Variants in LIG4 observed in about 807,000 individuals in gnomAD.
The protein encoded by LIG4 is DNA ligase 4.
LIG4 carries 13 observed loss-of-function variants against 19.0 expected under a neutral mutation model. The ratio of observed to expected loss-of-function variants is 0.68; its 90% CI spans 0.44 to 1.09. The LOEUF (loss-of-function observed/expected upper bound fraction) is 1.09, where lower values mean the gene tolerates loss of function less well. Among genes scored for constraint, LIG4 ranks in the 50% least tolerant of loss-of-function variants. The probability of loss-of-function intolerance (pLI) is 0.00; values close to 1 mark genes in which losing one functional copy is unlikely to be tolerated. For synonymous variants in LIG4, 361 were observed against 358.2 expected, an observed-to-expected ratio of 1.01 and a Z score of -0.09; for missense variants, 1,026 against 1,089.7, an observed-to-expected ratio of 0.94 and a Z score of 0.82.
At position 108,209,393 on chromosome 13, in the gene LIG4, T is replaced by C. The variant is rs777285350; in HGVS notation, c.1876A>G (p.Lys626Glu). Reference sequence around the variant, plus strand: ...ATCTTTGGGGCAGCTTTCCGCTTTTTTTCTTGTGGTTCATCATCACCACCT... The same window carrying C: ...ATCTTTGGGGCAGCTTTCCGCTTTTCTTCTTGTGGTTCATCATCACCACCT... ...YIGGDDEPQE[K>E]KRKAAPKMKK... Residue 626 changes from lysine to glutamate, a missense_variant, in exon 3 of 3, where the codon AAA (lysine) becomes GAA (glutamate). Physicochemically the swap from Lys to Glu is moderately conservative, Grantham distance 56 (BLOSUM62 1). This residue lies in a region of LIG4 where 521 missense variants were observed against 515.5 expected (regional missense o/e 1.01). Transcript: ENST00000442234. 12 of 1,614,096 alleles carry C rather than the reference T, an allele frequency of 7.4e-6. No homozygotes were observed. The highest frequency in any genetic ancestry group is 1.6e-4 in the Middle Eastern group (1 of 6,084).
chr13:108,211,299 A>C lies in LIG4; in HGVS notation c.-28-3T>G, dbSNP rs751851224. 1 of 1,479,182 alleles carries C rather than the reference A, an allele frequency of 6.8e-7. No individual in the cohort carries two copies. Among genetic ancestry groups the C allele is most frequent in the South Asian group, 1.1e-5 (1 of 88,224 alleles). The allele number at this position is 1,479,182 out of a possible 1,614,324, so 91.6% of individuals were successfully genotyped here. A position where few individuals can be genotyped will look rare whatever the true frequency, so the allele number is the denominator to read the frequency against. On this transcript the variant is annotated splice_polypyrimidine_tract_variant and splice_region_variant and intron_variant, in intron 2 of 2. Coordinates refer to ENST00000442234, the MANE Select transcript of LIG4 (RefSeq NM_206937.2). ...CGGTGATGAATCTTCTCGTTTAACT[A>C]GTAAAGCAAAAAGAGAATAACTTTA...
At position 108,209,013 on chromosome 13, in the gene LIG4, T is replaced by C. The variant is rs771590971; in HGVS notation, c.2256A>G (p.Glu752=). The change falls in exon 3 of 3, where the codon GAA becomes GAG. Residue 752 remains glutamate, a synonymous_variant. Transcript: ENST00000442234. ...FMIHMCPSTK[E]HFAREYDCYG... ...AGCAATCATATTCACGGGCAAAATG[T>C]TCTTTGGTTGATGGGCACATATGAA... 1 of 1,614,128 alleles carries C rather than the reference T, an allele frequency of 6.2e-7. No homozygotes were observed. Among genetic ancestry groups the C allele is most frequent in the Non-Finnish European group, 8.5e-7 (1 of 1,180,014 alleles).
upstream of LIG4, among the ~76,000 whole-genome samples, chr13:108,216,458 ACCT>A (rs1329564353): frequency 6.6e-6 from 1 of 151,584 alleles, no homozygotes; most frequent in African/African-American, 2.4e-5. Flanking sequence ...ATGTATAAAA[ACCT>A]CCTTTTTCAA....
At position 108,208,568 on chromosome 13, in the gene LIG4, A is replaced by G. The variant is rs375272861; in HGVS notation, c.2701T>C (p.Cys901Arg). The change falls in exon 3 of 3, where the codon TGT becomes CGT. Residue 901 changes from cysteine (C) to arginine (R), a missense_variant. Around this residue, in one of 3 missense-constraint regions of LIG4, gnomAD observed 521 missense variants for 515.5 expected, o/e 1.01. Coordinates refer to ENST00000442234, the MANE Select transcript of LIG4 (RefSeq NM_206937.2). ...TACTGGTTTTCTTCTTGTAATTCACACTTGTCTATTGAATCAGTTACCCAA... is the reference window on the plus strand; with the variant it reads ...TACTGGTTTTCTTCTTGTAATTCACGCTTGTCTATTGAATCAGTTACCCAA... ...ESWVTDSIDK[C>R]ELQEENQYLI 2 of 1,612,220 alleles carry G rather than the reference A, an allele frequency of 1.2e-6. No individual in the cohort carries two copies. Among genetic ancestry groups the G allele is most frequent in the Non-Finnish European group, 1.7e-6 (2 of 1,178,654 alleles).
chr13:108,209,264 C>T lies in LIG4; in HGVS notation c.2005G>A (p.Gly669Arg). The change falls in exon 3 of 3, where the codon GGA becomes AGA. Residue 669 changes from glycine to arginine, a missense_variant. Coordinates refer to ENST00000442234, the MANE Select transcript of LIG4 (RefSeq NM_206937.2). ...FEDVEFCVMS[G>R]TDSQPKPDLE... ...TCAGGCTTTGGCTGGCTATCTGTTC[C>T]ACTCATAACACAAAACTCTACATCT... 3 of 1,614,124 alleles carry T rather than the reference C, an allele frequency of 1.9e-6. No homozygotes were observed. The highest frequency in any genetic ancestry group is 2.5e-6 in the Non-Finnish European group (3 of 1,179,970).
rs143590752 is a variant in LIG4, at chr13:108,211,256, G to T, written c.13C>A (p.Gln5Lys). 106 of 1,612,100 alleles carry T rather than the reference G, an allele frequency of 6.6e-5. No homozygotes were observed. In the African/African-American group the frequency reaches 1.3e-3, roughly 19 times the overall value. ...TGAGATGCAACAGTTTGTGAAGTTTGTGAGGCAGCCATCAAAGCGGTGATG... is the reference window on the plus strand; with the variant it reads ...TGAGATGCAACAGTTTGTGAAGTTTTTGAGGCAGCCATCAAAGCGGTGATG... MAASQTSQTVASHVP... is the reference protein window; with the variant it reads MAASKTSQTVASHVP... Residue 5 changes from glutamine to lysine, a missense_variant, in exon 3 of 3, where the codon CAA becomes AAA. Gln to Lys is a moderately conservative substitution (Grantham distance 53, BLOSUM62 1). Coordinates refer to ENST00000442234, the MANE Select transcript of LIG4 (RefSeq NM_206937.2).
Position 108,208,409 on chromosome 13 carries a change from A to T in LIG4, c.*124T>A, listed in dbSNP as rs1878147702. The T allele has an allele frequency of 1.5e-6, 1 of 682,560 alleles. No homozygotes were observed. Among genetic ancestry groups the T allele is most frequent in the Non-Finnish European group, 2.5e-6 (1 of 398,346 alleles). 42.3% of individuals were successfully genotyped at this position (682,560 alleles called of 1,614,324 possible). A position where few individuals can be genotyped will look rare whatever the true frequency, so the allele number is the denominator to read the frequency against. On this transcript the variant is annotated 3_prime_UTR_variant, in exon 3 of 3. Coordinates refer to ENST00000442234, the MANE Select transcript of LIG4 (RefSeq NM_206937.2). Reference sequence around the variant, plus strand: ...TTAAAATTATTGTTTTCCTATATGTAATGATACTTTTTAGGCATAGATTTT... The same window carrying T: ...TTAAAATTATTGTTTTCCTATATGTTATGATACTTTTTAGGCATAGATTTT...
chr13:108,210,555 A>G lies in LIG4; in HGVS notation c.714T>C (p.Ile238=). 1 of 1,612,092 alleles carries G rather than the reference A, an allele frequency of 6.2e-7. No homozygotes were observed. Among genetic ancestry groups the G allele is most frequent in the Non-Finnish European group, 8.5e-7 (1 of 1,179,266 alleles). ...TAAATGCAGAAAATAAAGTGATAGA[A>G]ATATCACTGAGTCCTACAGAAGGAT... The part of the protein sequence containing the change: ...LHDPSVGLSD[I]SITLFSAFKP... Residue 238 remains isoleucine, a synonymous_variant, in exon 3 of 3, where the codon ATT becomes ATC. Transcript: ENST00000442234.
At chr13:108,213,213 A>G (rs1482817415) in intron 2 of LIG4, among the ~76,000 whole-genome samples, 1 of 152,162 alleles carries the variant, frequency 6.6e-6, no homozygotes, top group Non-Finnish European at 1.5e-5. Flanking sequence ...CTGGTTATGT[A>G]TGTTCACTGC....
rs148711190 is a variant in LIG4, at chr13:108,208,607, T to G, written c.2662A>C (p.Ile888Leu). The G allele has an allele frequency of 1.1e-5, 18 of 1,613,234 alleles. No homozygotes were observed. The Admixed American group carries it at 2.0e-4, about 18-fold the overall frequency. ...TCAGTTACCCAACTTTCTTTTAGGA[T>G]TTTAAACTTTCTCTTAAAAGTTCTT... Reference protein sequence around the residue: ...FRRTFKRKFKILKESWVTDSI... With the variant: ...FRRTFKRKFKLLKESWVTDSI... Residue 888 changes from isoleucine to leucine, a missense_variant, in exon 3 of 3, where the codon ATC becomes CTC. Ile to Leu is a conservative substitution (Grantham distance 5). Around this residue, in one of 3 missense-constraint regions of LIG4, gnomAD observed 521 missense variants for 515.5 expected, o/e 1.01. Coordinates refer to ENST00000442234, the MANE Select transcript of LIG4 (RefSeq NM_206937.2).
intron 2 of LIG4, among the ~76,000 whole-genome samples, chr13:108,213,988 T>C (rs954365828): frequency 3.9e-5 from 6 of 152,192 alleles, no homozygotes; most frequent in African/African-American, 1.4e-4. Context: ...CTTCACTCTT[T>C]AACAATAAGC....
chr13:108,210,885 A>G lies in LIG4; in HGVS notation c.384T>C (p.Ile128=), dbSNP rs771265714. 6.2e-7 allele frequency: 1 copy of G among 1,614,056 alleles called. No homozygotes were observed. Among genetic ancestry groups the G allele is most frequent in the Non-Finnish European group, 8.5e-7 (1 of 1,179,980 alleles). The part of the protein sequence containing the change: ...THGDAGDFAM[I]AYFVLKPRCL... ...ATCTTGGCTTCAACACAAAATATGC[A>G]ATCATTGCAAAGTCTCCAGCATCTC... is the stretch of plus-strand genomic sequence containing the variant. The change falls in exon 3 of 3, where the codon ATT becomes ATC. Residue 128 remains isoleucine (I), a synonymous_variant. Transcript: ENST00000442234.
In LIG4 at chr13:108,208,442, C is replaced by T; in HGVS notation, c.*91G>A. On this transcript the variant is annotated 3_prime_UTR_variant, in exon 3 of 3. Coordinates refer to ENST00000442234, the MANE Select transcript of LIG4 (RefSeq NM_206937.2). Reference sequence around the variant, plus strand: ...TTTTTAGGCATAGATTTTTAAGATACAAAAATAAAATGTAGTTTAGTATTT... The same window carrying T: ...TTTTTAGGCATAGATTTTTAAGATATAAAAATAAAATGTAGTTTAGTATTT... The T allele has an allele frequency of 1.3e-6, 1 of 792,746 alleles. No individual in the cohort carries two copies. The highest frequency in any genetic ancestry group is 2.1e-6 in the Non-Finnish European group (1 of 483,586). 49.1% of individuals were successfully genotyped at this position (792,746 alleles called of 1,614,324 possible). A position where few individuals can be genotyped will look rare whatever the true frequency, so the allele number is the denominator to read the frequency against.
At position 108,207,670 on chromosome 13, in the gene LIG4, C is replaced by G. The variant is rs926564679; in HGVS notation, c.*863G>C. ...ACTATATACATTGACTTTAAATAAT[C>G]TAACTATGTCATTTTTAAAAGTCAA... On this transcript the variant is annotated 3_prime_UTR_variant, in exon 3 of 3. Coordinates refer to ENST00000442234, the MANE Select transcript of LIG4 (RefSeq NM_206937.2). 6.6e-6 allele frequency: 1 copy of G among 151,158 alleles called. No homozygotes were observed. Among genetic ancestry groups the G allele is most frequent in the African/African-American group, 2.5e-5 (1 of 40,616 alleles). The allele number at this position is 151,158 out of a possible 1,614,324, so 9.4% of individuals were successfully genotyped here. A position where few individuals can be genotyped will look rare whatever the true frequency, so the allele number is the denominator to read the frequency against.
In LIG4 at chr13:108,209,378, C is replaced by T. The variant is rs200385778; in HGVS notation, c.1891G>A (p.Ala631Thr). ...CCAATAACTTTCTTCATCTTTGGGGCAGCTTTCCGCTTTTTTTCTTGTGGT... is the reference window on the plus strand; with the variant it reads ...CCAATAACTTTCTTCATCTTTGGGGTAGCTTTCCGCTTTTTTTCTTGTGGT... ...DEPQEKKRKAAPKMKKVIGII... is the reference protein window; with the variant it reads ...DEPQEKKRKATPKMKKVIGII... Residue 631 changes from alanine (A) to threonine (T), a missense_variant, in exon 3 of 3, where the codon GCC (alanine) becomes ACC (threonine). This residue lies in a region of LIG4 where 521 missense variants were observed against 515.5 expected (regional missense o/e 1.01). Coordinates refer to ENST00000442234, the MANE Select transcript of LIG4 (RefSeq NM_206937.2). 5.2e-5 allele frequency: 84 copies of T among 1,614,120 alleles called. No individual in the cohort carries two copies. The East Asian group carries it at 1.3e-3, about 25-fold the overall frequency.
intron 2 of LIG4, among the ~76,000 whole-genome samples, chr13:108,212,568 T>C (rs1308913177): frequency 6.6e-6 from 1 of 152,084 alleles, no homozygotes; most frequent in Non-Finnish European, 1.5e-5. Context: ...TTCAGACCCC[T>C]CCTGGCACAC....
chr13:108,212,150 G>A (rs1878728969), intron 2 of LIG4, among the ~76,000 whole-genome samples: 1 of 144,940 alleles, frequency 6.9e-6, no homozygotes, highest in African/African-American at 2.6e-5. Flanking sequence ...AATACTGCAT[G>A]TTTCTGCTTT....
rs911705145 is a variant in LIG4 at position 108,208,308 on chromosome 13, A to T, written c.*225T>A. 1 of 448,622 alleles carries T rather than the reference A, an allele frequency of 2.2e-6. No individual in the cohort carries two copies. The highest frequency in any genetic ancestry group is 4.0e-6 in the Non-Finnish European group (1 of 251,574). The allele number at this position is 448,622 out of a possible 1,614,324, so 27.8% of individuals were successfully genotyped here. ...AGACTGTTTATTTCACCTTGATCAT[A>T]AAAAATCATTGAATACTACATTCAA... is the stretch of plus-strand genomic sequence containing the variant. On this transcript the variant is annotated 3_prime_UTR_variant, in exon 3 of 3. Coordinates refer to ENST00000442234, the MANE Select transcript of LIG4 (RefSeq NM_206937.2).
chr13:108,213,237 A>C (rs1200132679), intron 2 of LIG4, among the ~76,000 whole-genome samples: 1 of 151,812 alleles, frequency 6.6e-6, no homozygotes, highest in Non-Finnish European at 1.5e-5. Context: ...ATCTCCCAAA[A>C]TTTGCTCCCT....
Sources: gnomAD v4.1 joint callset for allele counts (sites outside exome capture counted in the v4.1 genomes callset) on GRCh38, gnomAD v4.1.1 for gene constraint, gnomAD v4.1.1 regional missense constraint, MANE v1.5 for transcripts, NCBI Gene and HGNC (gene_info 2026-07-23, HGNC 2026-07-21) for gene names.